Variants in AKAP8 observed in about 807,000 individuals in gnomAD.
AKAP8 encodes the protein A-kinase anchor protein 8.
A neutral mutation model predicts 67.5 loss-of-function variants in AKAP8; 24 were observed. The ratio of observed to expected loss-of-function variants is 0.36; its 90% CI spans 0.26 to 0.50. The LOEUF (loss-of-function observed/expected upper bound fraction) is 0.50. AKAP8 is among the 20% of genes least tolerant of loss of function. The pLI is 0.97. For synonymous variants in AKAP8, 400 were observed against 371.1 expected, an observed-to-expected ratio of 1.08 and a Z score of -0.90; for missense variants, 971 against 955.9, an observed-to-expected ratio of 1.02 and a Z score of -0.21.
At chr19:15,373,435 G>A (rs1385247940) in intron 4 of AKAP8, 95 bp from the exon 5 acceptor site, 10 of 1,460,412 alleles carry the variant, frequency 6.8e-6, no homozygotes, top group Non-Finnish European at 9.0e-6. Flanking sequence ...ATTCAAAACA[G>A]CAAACCAAAC....
chr19:15,358,017 G>A (rs1206170701), intron 13 of AKAP8, among the ~76,000 whole-genome samples: 1 of 152,076 alleles, frequency 6.6e-6, no homozygotes, highest in African/African-American at 2.4e-5. Flanking sequence ...TTTAGATTCT[G>A]TGCCTTTAAT....
chr19:15,374,569 C>A lies in AKAP8; in HGVS notation c.91+34G>T, dbSNP rs188675543. On this transcript the variant is annotated intron_variant, in intron 3 of 13. Coordinates refer to ENST00000269701, the MANE Select transcript of AKAP8 (RefSeq NM_005858.4). ...GGCCTTCAGATCAGAGGCCCACTTG[C>A]CCGCCCACAGACCCCCCCCACAGAA... 8 of 1,605,014 alleles carry A rather than the reference C, an allele frequency of 5.0e-6. No homozygotes were observed. In the East Asian group the frequency reaches 1.8e-4, roughly 36 times the overall value.
At chr19:15,356,966 TTTC>T (rs1966892558) in intron 13 of AKAP8, among the ~76,000 whole-genome samples, 1 of 151,968 alleles carries the variant, frequency 6.6e-6, no homozygotes, top group South Asian at 2.1e-4. Context: ...CCATCTCTCT[TTTC>T]TTTTTTTGAG....
chr19:15,377,063 C>G (rs375701541), intron 1 of AKAP8, 49 bp from the exon 2 acceptor site: 2 of 1,596,192 alleles, frequency 1.3e-6, no homozygotes, highest in Non-Finnish European at 1.7e-6. Flanking sequence ...CACCAGAGAA[C>G]GGGTCCTTTT....
chr19:15,375,080 G>A (rs1181671122), intron 2 of AKAP8, among the ~76,000 whole-genome samples: 1 of 152,208 alleles, frequency 6.6e-6, no homozygotes, highest in African/African-American at 2.4e-5. Flanking sequence ...TGCCACGAGC[G>A]ACTTGGAAGG....
At chr19:15,363,534 G>T (rs1215667501) in intron 9 of AKAP8, among the ~76,000 whole-genome samples, 1 of 150,038 alleles carries the variant, frequency 6.7e-6, no homozygotes, top group East Asian at 2.0e-4. Context: ...GAGGGAGGTG[G>T]GGGGGTCAGC....
chr19:15,368,688 T>C (rs1967107703), intron 8 of AKAP8: 3 of 985,142 alleles, frequency 3.0e-6, no homozygotes, highest in Middle Eastern at 5.2e-4. Flanking sequence ...GAGAAGCCAA[T>C]TCTCCCCGGA....
Position 15,372,986 on chromosome 19 carries a change from C to T in AKAP8, c.726G>A (p.Arg242=), listed in dbSNP as rs773417870. 2.6e-6 allele frequency: 4 copies of T among 1,564,804 alleles called. No individual in the cohort carries two copies. The highest frequency in any genetic ancestry group is 2.6e-6 in the Non-Finnish European group (3 of 1,154,840). Residue 242 remains arginine (R), a synonymous_variant, in exon 5 of 14, where the codon CGG becomes CGA. Coordinates refer to ENST00000269701, the MANE Select transcript of AKAP8 (RefSeq NM_005858.4). ...GRGLGGPSPS[R]PPPSLFSQSM... is the part of the protein sequence containing the mutation. ...ACTGGGAGAAGAGGGACGGAGGTGG[C>T]CGGCTGGGGGAGGGCCCTCCCAGGC...
At chr19:15,376,459 G>A (rs1391350362) in intron 2 of AKAP8, among the ~76,000 whole-genome samples, 1 of 151,986 alleles carries the variant, frequency 6.6e-6, no homozygotes, top group East Asian at 1.9e-4. Context: ...CTCCAGCCTG[G>A]GCAACAGAGC....
intron 1 of AKAP8, 119 bp from the exon 2 acceptor site, chr19:15,377,133 T>A: frequency 1.8e-6 from 2 of 1,124,224 alleles, no homozygotes; most frequent in Non-Finnish European, 2.5e-6. Context: ...GAAGGAAGAC[T>A]CCCCCCCACC....
chr19:15,368,248 G>A lies in AKAP8; in HGVS notation c.1147C>T (p.Arg383Cys), dbSNP rs762942536. The change falls in exon 9 of 14, where the codon CGT becomes TGT. Residue 383 changes from arginine (R) to cysteine (C), a missense_variant. Arg to Cys is a radical substitution (Grantham distance 180, BLOSUM62 -3). Around this residue, in one of 3 missense-constraint regions of AKAP8, gnomAD observed 763 missense variants for 745.4 expected, o/e 1.02. Transcript: ENST00000269701. ...CCCGCGCCTCACCTGTCGGCTGCAC[G>A]GTCCCGCGTCCTGTCTCTTCTCCTT... is the stretch of plus-strand genomic sequence containing the variant. Reference protein sequence around the residue: ...KQRRRDRTRDRAADRIQFACS... With the variant: ...KQRRRDRTRDCAADRIQFACS... 3 of 1,612,330 alleles carry A rather than the reference G, an allele frequency of 1.9e-6. No individual in the cohort carries two copies. Among genetic ancestry groups the A allele is most frequent in the Non-Finnish European group, 8.5e-7 (1 of 1,179,842 alleles).
intron 9 of AKAP8, among the ~76,000 whole-genome samples, chr19:15,362,913 G>A (rs1399095401): frequency 2.7e-5 from 4 of 150,472 alleles, no homozygotes; most frequent in Non-Finnish European, 5.9e-5. Flanking sequence ...AGGAAGTGAG[G>A]AGCGCCTCTT....
chr19:15,370,350 G>C (rs929338048), intron 7 of AKAP8, among the ~76,000 whole-genome samples, 171 bp from the exon 8 acceptor site: 1 of 152,114 alleles, frequency 6.6e-6, no homozygotes, highest in African/African-American at 2.4e-5. Flanking sequence ...GCTCAGGACA[G>C]GGCCTGTGTG....
chr19:15,368,923 G>C, intron 8 of AKAP8: 1 of 985,922 alleles, frequency 1.0e-6, no homozygotes, highest in Non-Finnish European at 1.2e-6. Context: ...AAAAAAATTT[G>C]GGAAGAGACC....
At chr19:15,360,438 T>C (rs80193988) in intron 12 of AKAP8, among the ~76,000 whole-genome samples, 5,644 of 152,260 alleles carry the variant, frequency 0.037, 350 homozygotes, top group African/African-American at 0.12. Context: ...AAGGTATTTT[T>C]CCAGCATCTT....
chr19:15,368,174 C>A, intron 9 of AKAP8, 61 bp downstream of exon 9: 1 of 1,594,776 alleles, frequency 6.3e-7, no homozygotes. Context: ...CAGGTGAGCT[C>A]GGCAGCGCCT....
chr19:15,379,767 A>G lies in AKAP8; in HGVS notation c.-36T>C, dbSNP rs1967344102. The G allele has an allele frequency of 1.2e-6, 2 of 1,609,260 alleles. No individual in the cohort carries two copies. The highest frequency in any genetic ancestry group is 1.1e-5 in the South Asian group (1 of 90,304). ...CGGCCCACCAGCAGCCCCGTTTACT[A>G]GGCGACCACAGCACGCATGCGTTCA... On this transcript the variant is annotated 5_prime_UTR_variant, in exon 1 of 14. An upstream open reading frame in the 5' UTR loses its in-frame stop. Coordinates refer to ENST00000269701, the MANE Select transcript of AKAP8 (RefSeq NM_005858.4).
rs577153897 is a variant in AKAP8, at chr19:15,358,146, A to G, written c.1623+821T>C. ...CAAATGCTAAAGTCCTGGGATGAACACTGAGCAAAATGGGTTTCACAAGGA... is the reference window on the plus strand; with the variant it reads ...CAAATGCTAAAGTCCTGGGATGAACGCTGAGCAAAATGGGTTTCACAAGGA... On this transcript the variant is annotated intron_variant, in intron 13 of 13. Transcript: ENST00000269701. 6.6e-5 allele frequency among the ~76,000 whole-genome samples: 10 copies of G among 152,270 alleles called. No homozygotes were observed. The East Asian group carries it at 1.4e-3, about 21-fold the overall frequency.
chr19:15,365,373 T>A (rs1436309822), intron 9 of AKAP8, among the ~76,000 whole-genome samples: 1 of 152,164 alleles, frequency 6.6e-6, no homozygotes, highest in Non-Finnish European at 1.5e-5. Context: ...GCTTTCAAAG[T>A]CTCCCCAAAT....
Sources: gnomAD v4.1 joint callset for allele counts (sites outside exome capture counted in the v4.1 genomes callset) on GRCh38, gnomAD v4.1.1 for gene constraint, gnomAD v4.1.1 regional missense constraint, MANE v1.5 for transcripts, NCBI Gene and HGNC (gene_info 2026-07-23, HGNC 2026-07-21) for gene names.